Variants in KIZ observed in about 807,000 individuals in gnomAD.
The protein encoded by KIZ is centrosomal protein kizuna.
A neutral mutation model predicts 79.6 loss-of-function variants in KIZ; 68 were observed. That is an observed-to-expected ratio of 0.85 (90% CI 0.70 to 1.05). The LOEUF (loss-of-function observed/expected upper bound fraction) is 1.05. Ranked by LOEUF, KIZ falls within the 50% of genes least tolerant of loss-of-function variation. The pLI is 0.00. For missense variants in KIZ, 797 were observed against 800.4 expected, an observed-to-expected ratio of 1.00 and a Z score of 0.05; for synonymous variants, 280 against 281.8, an observed-to-expected ratio of 0.99 and a Z score of 0.06.
chr20:21,200,817 T>C (rs2035566977), intron 6 of KIZ, among the ~76,000 whole-genome samples: 1 of 152,116 alleles, frequency 6.6e-6, no homozygotes, highest in African/African-American at 2.4e-5. Context: ...GCTCACAAAA[T>C]AAAGCATCTT....
At chr20:21,178,045 T>C (rs1276260589) in intron 6 of KIZ, among the ~76,000 whole-genome samples, 2 of 152,128 alleles carry the variant, frequency 1.3e-5, no homozygotes, top group Non-Finnish European at 2.9e-5. Flanking sequence ...TTCTCAAGAT[T>C]GTCTTGGCTG....
intron 6 of KIZ, chr20:21,197,922 TA>T (rs1290770972): frequency 9.2e-5 from 14 of 152,218 alleles, no homozygotes; most frequent in Non-Finnish European, 2.1e-4. Context: ...CCAGGACTCC[TA>T]CCTGGGGGTG....
intron 3 of KIZ, among the ~76,000 whole-genome samples, chr20:21,139,510 A>C (rs777700249): frequency 6.6e-6 from 1 of 152,198 alleles, no homozygotes; most frequent in Non-Finnish European, 1.5e-5. Context: ...CAAAGATTTC[A>C]TGGAGAAAAT....
In KIZ at chr20:21,145,168, T is replaced by A. The variant is rs539596344; in HGVS notation, c.316-397T>A. Reference sequence around the variant, plus strand: ...ATAAGAAATCAGTAGGATTGATTTTTTTTGTTTGTTTGGGGCAAAACTTCT... The same window carrying A: ...ATAAGAAATCAGTAGGATTGATTTTATTTGTTTGTTTGGGGCAAAACTTCT... On this transcript the variant is annotated intron_variant, in intron 3 of 12. Coordinates refer to ENST00000619189, the MANE Select transcript of KIZ (RefSeq NM_018474.6). Among the ~76,000 whole-genome samples the A allele has an allele frequency of 7.5e-3, 945 of 126,478 alleles. 9 individuals are homozygous for A. The highest frequency in any genetic ancestry group is 0.026 in the African/African-American group (886 of 33,776). 83.0% of individuals were successfully genotyped at this position (126,478 alleles called of 152,430 possible).
chr20:21,138,246 T>C (rs918701355), intron 3 of KIZ, among the ~76,000 whole-genome samples: 15 of 152,168 alleles, frequency 9.9e-5, no homozygotes, highest in Non-Finnish European at 1.5e-4. Context: ...TCCTTTTTTT[T>C]CCCCATGTCA....
chr20:21,221,141 G>A (rs923976071), intron 9 of KIZ, among the ~76,000 whole-genome samples: 5 of 152,174 alleles, frequency 3.3e-5, no homozygotes, highest in African/African-American at 1.2e-4. Context: ...GGGAGAGAAA[G>A]TCTGCCTTTT....
At chr20:21,195,881 A>G (rs1302772302) in intron 6 of KIZ, 1 of 152,820 alleles carries the variant, frequency 6.5e-6, no homozygotes, top group African/African-American at 2.4e-5. Flanking sequence ...AGCAGCCAGC[A>G]TGGTCTCCGT....
chr20:21,246,221 G>A (rs1183642214), intron 12 of KIZ: 1 of 468,962 alleles, frequency 2.1e-6, no homozygotes, highest in African/African-American at 2.0e-5. Flanking sequence ...ATAATAAAGA[G>A]TTGGGCACAA....
chr20:21,189,749 G>C (rs1185098181), intron 6 of KIZ, among the ~76,000 whole-genome samples: 1 of 152,170 alleles, frequency 6.6e-6, no homozygotes, highest in Non-Finnish European at 1.5e-5. Context: ...ACTGTTTCCA[G>C]GTAAAGAGAA....
chr20:21,241,475 G>A (rs781272024), intron 11 of KIZ, among the ~76,000 whole-genome samples: 3 of 152,200 alleles, frequency 2.0e-5, no homozygotes, highest in Non-Finnish European at 4.4e-5. Context: ...CAATCACACA[G>A]ACAATTAAGA....
At chr20:21,174,880 T>C (rs1470794645) in intron 6 of KIZ, among the ~76,000 whole-genome samples, 1 of 152,252 alleles carries the variant, frequency 6.6e-6, no homozygotes, top group Non-Finnish European at 1.5e-5. Context: ...GTGCCTGGAA[T>C]AATAGGTTTG....
intron 6 of KIZ, among the ~76,000 whole-genome samples, chr20:21,173,430 T>C (rs2034300644): frequency 6.6e-6 from 1 of 151,684 alleles, no homozygotes; most frequent in Admixed American, 6.6e-5. Flanking sequence ...ATATAAAAAT[T>C]AGCTGGGTGT....
At chr20:21,240,774 G>A (rs978659118) in intron 11 of KIZ, among the ~76,000 whole-genome samples, 2 of 152,232 alleles carry the variant, frequency 1.3e-5, no homozygotes, top group African/African-American at 4.8e-5. Flanking sequence ...AAAGAATAAT[G>A]TTTCGTGACA....
At chr20:21,223,284 G>C (rs562635166) in intron 9 of KIZ, among the ~76,000 whole-genome samples, 32 of 152,270 alleles carry the variant, frequency 2.1e-4, no homozygotes, top group African/African-American at 7.2e-4. Flanking sequence ...TGGGAATGTT[G>C]GTTAAAGGTC....
At chr20:21,167,697 G>A (rs140555376) in intron 6 of KIZ, among the ~76,000 whole-genome samples, 1 of 151,800 alleles carries the variant, frequency 6.6e-6, no homozygotes, top group South Asian at 2.1e-4. Context: ...AAGTAGCTGG[G>A]ATTACAGGCA....
intron 4 of KIZ, chr20:21,154,012 T>C (rs950820207): frequency 6.6e-6 from 1 of 152,192 alleles, no homozygotes; most frequent in Non-Finnish European, 1.5e-5. Context: ...AATAAACATA[T>C]AACTTCAGGA....
intron 4 of KIZ, among the ~76,000 whole-genome samples, chr20:21,147,961 T>TTTTGTGTGTGTGTG: frequency 7.1e-6 from 1 of 141,136 alleles, no homozygotes. Flanking sequence ...CTCCTGGAAT[T>TTTTGTGTGTGTGTG]TGTGTGTGTG....
intron 6 of KIZ, among the ~76,000 whole-genome samples, chr20:21,179,554 T>A (rs1309597111): frequency 6.6e-6 from 1 of 152,048 alleles, no homozygotes; most frequent in Non-Finnish European, 1.5e-5. Flanking sequence ...TTTTTCCTAT[T>A]TTTTGTATTC....
intron 6 of KIZ, among the ~76,000 whole-genome samples, chr20:21,180,290 G>A (rs1160863429): frequency 1.3e-5 from 2 of 149,018 alleles, no homozygotes; most frequent in African/African-American, 4.9e-5. Context: ...AAAAGATGAT[G>A]ACGATGACAA....
Sources: gnomAD v4.1 joint callset for allele counts (sites outside exome capture counted in the v4.1 genomes callset) on GRCh38, gnomAD v4.1.1 for gene constraint, MANE v1.5 for transcripts, NCBI Gene and HGNC (gene_info 2026-07-23, HGNC 2026-07-21) for gene names.